ALPK3: variants seen among roughly 807,000 people sequenced by gnomAD.
ALPK3 encodes alpha-protein kinase 3.
Under a neutral mutation model 140.0 loss-of-function variants are expected in ALPK3, and 102 were observed. That is an observed-to-expected ratio of 0.73 (90% CI 0.62 to 0.86). The LOEUF (loss-of-function observed/expected upper bound fraction) is 0.86, where lower values mean the gene tolerates loss of function less well. ALPK3 is among the 40% of genes least tolerant of loss of function. The pLI, the probability that ALPK3 is intolerant of heterozygous loss-of-function variation, is 0.00. For synonymous variants in ALPK3, 938 were observed against 898.5 expected (o/e 1.04, Z -0.79); for missense variants, 2,254 against 2,208.2 (o/e 1.02, Z -0.42).
Position 84,857,236 on chromosome 15 carries a change from A to G in ALPK3, c.2498A>G (p.Asp833Gly), listed in dbSNP as rs761421251. ...GGCCCAGTCGAGGCCAAGCAGGAGGACAGCCCGTTCCAGTGCCCCAAGGAG... is the reference window on the plus strand; with the variant it reads ...GGCCCAGTCGAGGCCAAGCAGGAGGGCAGCCCGTTCCAGTGCCCCAAGGAG... ...SSGPVEAKQE[D>G]SPFQCPKEER... Residue 833 changes from aspartate to glycine, a missense_variant, in exon 6 of 14, where the codon GAC becomes GGC. Physicochemically the swap from Asp to Gly is moderately conservative, Grantham distance 94. This residue lies in a region of ALPK3 where 2,088 missense variants were observed against 2,022.9 expected (regional missense o/e 1.03). Transcript: ENST00000258888. 96 of 1,613,878 alleles carry G rather than the reference A, an allele frequency of 5.9e-5. No homozygotes were observed. Among genetic ancestry groups the G allele is most frequent in the Non-Finnish European group, 7.8e-5 (92 of 1,179,928 alleles).
intron 6 of ALPK3, 73 bp downstream of exon 6, chr15:84,858,628 C>T: frequency 6.7e-7 from 1 of 1,485,390 alleles, no homozygotes; most frequent in Non-Finnish European, 8.9e-7. Flanking sequence ...CTGCTGCTAA[C>T]AGCACTACCC....
intron 3 of ALPK3, among the ~76,000 whole-genome samples, chr15:84,834,630 A>T (rs1165415883): frequency 6.6e-6 from 1 of 152,232 alleles, no homozygotes; most frequent in African/African-American, 2.4e-5. Flanking sequence ...TTTGAATCGG[A>T]GCTTCTGTGA....
At chr15:84,841,629 C>G (rs145258762) in intron 5 of ALPK3, among the ~76,000 whole-genome samples, 46 of 152,240 alleles carry the variant, frequency 3.0e-4, no homozygotes, top group African/African-American at 1.1e-3. Context: ...GGAGTGCCAT[C>G]ATCTTCTAGG....
At chr15:84,824,598 A>G (rs759884927) in intron 2 of ALPK3, among the ~76,000 whole-genome samples, 11 of 152,352 alleles carry the variant, frequency 7.2e-5, no homozygotes, top group Non-Finnish European at 1.3e-4. Flanking sequence ...TGTGTGGCTC[A>G]TGGGTGGAAC....
At chr15:84,825,392 G>T (rs975855427) in intron 2 of ALPK3, among the ~76,000 whole-genome samples, 1 of 152,010 alleles carries the variant, frequency 6.6e-6, no homozygotes, top group African/African-American at 2.4e-5. Flanking sequence ...GGCCAGGCTG[G>T]TCTCGATCTC....
Position 84,857,448 on chromosome 15 carries a change from G to A in ALPK3, c.2710G>A (p.Val904Ile). 6.2e-7 allele frequency: 1 copy of A among 1,613,780 alleles called. No homozygotes were observed. The highest frequency in any genetic ancestry group is 8.5e-7 in the Non-Finnish European group (1 of 1,179,908). ...CACCTTCCTGCCCTCTGAGGATCAGGTCCTGATGAGTTCTGCCCCAACACT... is the reference window on the plus strand; with the variant it reads ...CACCTTCCTGCCCTCTGAGGATCAGATCCTGATGAGTTCTGCCCCAACACT... ...TATFLPSEDQVLMSSAPTLHL... is the reference protein window; with the variant it reads ...TATFLPSEDQILMSSAPTLHL... The change falls in exon 6 of 14, where the codon GTC (valine) becomes ATC (isoleucine). Residue 904 changes from valine (V) to isoleucine (I), a missense_variant. Val to Ile is a conservative substitution (Grantham distance 29, BLOSUM62 3). Coordinates refer to ENST00000258888, the MANE Select transcript of ALPK3 (RefSeq NM_020778.5).
rs192804651 is a variant in ALPK3, at chr15:84,843,393, G to A, written c.1653+2461G>A. ...TGAGGCAGGAGAATTGCTAGAACCT[G>A]GGAGGTGGAGGTTGCAGTGAGCAAT... On this transcript the variant is annotated intron_variant, in intron 5 of 13. Coordinates refer to ENST00000258888, the MANE Select transcript of ALPK3 (RefSeq NM_020778.5). Among the ~76,000 whole-genome samples the A allele has an allele frequency of 8.5e-5, 13 of 152,312 alleles. No individual in the cohort carries two copies. The East Asian group carries it at 2.3e-3, about 27-fold the overall frequency.
Position 84,840,135 on chromosome 15 carries a change from G to C in ALPK3, c.856G>C (p.Glu286Gln). The C allele has an allele frequency of 6.2e-7, 1 of 1,614,064 alleles. No individual in the cohort carries two copies. The change falls in exon 5 of 14, where the codon GAG (glutamate) becomes CAG (glutamine). Residue 286 changes from glutamate (E) to glutamine (Q), a missense_variant. Physicochemically the swap from Glu to Gln is conservative, Grantham distance 29. Coordinates refer to ENST00000258888, the MANE Select transcript of ALPK3 (RefSeq NM_020778.5). Reference sequence around the variant, plus strand: ...CGGGGAGGCTGCCCCCGAGAATGGAGAGGACGGAGAGCATGGCTTGCTGAC... The same window carrying C: ...CGGGGAGGCTGCCCCCGAGAATGGACAGGACGGAGAGCATGGCTTGCTGAC... ...TNGEAAPENG[E>Q]DGEHGLLTYI...
chr15:84,824,946 T>G (rs1963468583), intron 2 of ALPK3, among the ~76,000 whole-genome samples: 1 of 152,146 alleles, frequency 6.6e-6, no homozygotes, highest in East Asian at 1.9e-4. Flanking sequence ...CTGTATGACA[T>G]TCAGCAGAAC....
At position 84,857,360 on chromosome 15, in the gene ALPK3, G is replaced by C; in HGVS notation, c.2622G>C (p.Gly874=). The C allele has an allele frequency of 6.2e-7, 1 of 1,614,122 alleles. No homozygotes were observed. Among genetic ancestry groups the C allele is most frequent in the Non-Finnish European group, 8.5e-7 (1 of 1,180,030 alleles). The part of the protein sequence containing the change: ...VPTMPSLPGT[G]LTASPKAGPC... ...CGATGCCTTCTCTTCCTGGAACTGGGCTGACAGCTAGCCCAAAGGCGGGGC... is the reference window on the plus strand; with the variant it reads ...CGATGCCTTCTCTTCCTGGAACTGGCCTGACAGCTAGCCCAAAGGCGGGGC... The change falls in exon 6 of 14, where the codon GGG becomes GGC. Residue 874 remains glycine (G), a synonymous_variant. Coordinates refer to ENST00000258888, the MANE Select transcript of ALPK3 (RefSeq NM_020778.5).
intron 12 of ALPK3, among the ~76,000 whole-genome samples, chr15:84,866,616 C>T (rs1567096147): frequency 6.6e-6 from 1 of 152,214 alleles, no homozygotes; most frequent in South Asian, 2.1e-4. Flanking sequence ...ACAGTGAAAA[C>T]GTTTTTTCTC....
rs758620638 is a variant in ALPK3, at chr15:84,862,849, C to A, written c.4344C>A (p.Ser1448Arg). The A allele has an allele frequency of 1.2e-6, 2 of 1,614,170 alleles. No individual in the cohort carries two copies. Among genetic ancestry groups the A allele is most frequent in the Non-Finnish European group, 8.5e-7 (1 of 1,180,038 alleles). The stretch of plus-strand genomic sequence containing the variant: ...GCACGTGCATCATCAAGGTGTCCAG[C>A]CTGCTTGTGTTTGGGCCCAGCAGTG... ...SGRTCIIKVSSLLVFGPSSET... is the reference protein window; with the variant it reads ...SGRTCIIKVSRLLVFGPSSET... Residue 1448 changes from serine to arginine, a missense_variant, in exon 10 of 14, where the codon AGC (serine) becomes AGA (arginine). By Grantham distance (110) the Ser-to-Arg change is moderately radical. Around this residue, in one of 3 missense-constraint regions of ALPK3, gnomAD observed 2,088 missense variants for 2,022.9 expected, o/e 1.03. Coordinates refer to ENST00000258888, the MANE Select transcript of ALPK3 (RefSeq NM_020778.5).
At chr15:84,821,171 A>C (rs1425831177) in intron 1 of ALPK3, among the ~76,000 whole-genome samples, 1 of 152,198 alleles carries the variant, frequency 6.6e-6, no homozygotes, top group Non-Finnish European at 1.5e-5. Flanking sequence ...GCTGTGGCCC[A>C]GCCAGCAGGG....
intron 5 of ALPK3, among the ~76,000 whole-genome samples, chr15:84,844,853 T>A (rs952629656): frequency 4.6e-5 from 7 of 151,422 alleles, no homozygotes; most frequent in African/African-American, 1.5e-4. Flanking sequence ...CGAGACTCCG[T>A]CTCAAAAAAA....
At position 84,869,893 on chromosome 15, in the gene ALPK3, C is replaced by CT. The variant is rs1964048997; in HGVS notation, c.*1439dup. 6.6e-6 allele frequency: 1 copy of CT among 152,486 alleles called. No homozygotes were observed. Among genetic ancestry groups the CT allele is most frequent in the Non-Finnish European group, 1.5e-5 (1 of 68,054 alleles). The allele number at this position is 152,486 out of a possible 1,614,324, so 9.4% of individuals were successfully genotyped here. On this transcript the variant is annotated 3_prime_UTR_variant, in exon 14 of 14. Transcript: ENST00000258888. The stretch of plus-strand genomic sequence containing the variant: ...TCCTGGACCGAAGTTCAGTCGCAGC[C>CT]TTCTGTGGCCACAGAAAGACAGCTT...
chr15:84,830,993 A>G (rs1053200496), intron 3 of ALPK3, among the ~76,000 whole-genome samples: 3 of 152,204 alleles, frequency 2.0e-5, no homozygotes, highest in Non-Finnish European at 4.4e-5. Context: ...GGATTATAGT[A>G]GGCATGAGTC....
Position 84,860,824 on chromosome 15 carries a change from G to A in ALPK3, c.4129+752G>A, listed in dbSNP as rs1185560090. Among the ~76,000 whole-genome samples, 3 of 152,222 alleles carry A rather than the reference G, an allele frequency of 2.0e-5. No homozygotes were observed. The East Asian group carries it at 5.8e-4, about 29-fold the overall frequency. ...TGCAACCTCCGCTTCCTGGGTTCAA[G>A]CAATTCTCGTGCCTCAGCCTCCCCA... On this transcript the variant is annotated intron_variant, in intron 9 of 13. Transcript: ENST00000258888.
At chr15:84,865,267 C>T (rs891705368) in intron 12 of ALPK3, among the ~76,000 whole-genome samples, 17 of 152,174 alleles carry the variant, frequency 1.1e-4, no homozygotes, top group Non-Finnish European at 2.4e-4. Context: ...TTAAGCAGAA[C>T]TGGACAGAGG....
In ALPK3 at chr15:84,846,033, A is replaced by T. The variant is rs191121369; in HGVS notation, c.1653+5101A>T. On this transcript the variant is annotated intron_variant, in intron 5 of 13. Coordinates refer to ENST00000258888, the MANE Select transcript of ALPK3 (RefSeq NM_020778.5). ...CAGTGAGCTGAGATCATGCCATTGC[A>T]CTCCAGCCTGGGTGACAGAGTAAAG... Among the ~76,000 whole-genome samples the T allele has an allele frequency of 4.6e-5, 7 of 152,244 alleles. No homozygotes were observed. In the East Asian group the frequency reaches 1.4e-3, roughly 29 times the overall value.
Sources: gnomAD v4.1 joint callset for allele counts (sites outside exome capture counted in the v4.1 genomes callset) on GRCh38, gnomAD v4.1.1 for gene constraint, gnomAD v4.1.1 regional missense constraint, MANE v1.5 for transcripts, NCBI Gene and HGNC (gene_info 2026-07-23, HGNC 2026-07-21) for gene names.